Variants in TBC1D9 observed in about 807,000 individuals in gnomAD.
TBC1D9 encodes TBC1 domain family member 9.
TBC1D9 carries 63 observed loss-of-function variants against 132.0 expected under a neutral mutation model. The ratio of observed to expected loss-of-function variants is 0.48; its 90% CI spans 0.39 to 0.59. The LOEUF is 0.59. Ranked by LOEUF, TBC1D9 falls within the 20% of genes least tolerant of loss-of-function variation. TBC1D9 has a pLI of 0.00. For missense variants in TBC1D9, 1,261 were observed against 1,592.7 expected (o/e 0.79, Z 3.54); for synonymous variants, 610 against 609.9 (o/e 1.00, Z 0.00).
At chr4:140,636,395 TA>T (rs200054045) in intron 15 of TBC1D9, among the ~76,000 whole-genome samples, 62 of 150,242 alleles carry the variant, frequency 4.1e-4, no homozygotes, top group Non-Finnish European at 7.9e-4. Context: ...TCGACTTCCT[TA>T]AAAAAAAAAT....
intron 11 of TBC1D9, chr4:140,659,293 T>C (rs1737322276): frequency 4.5e-6 from 1 of 223,146 alleles, no homozygotes; most frequent in African/African-American, 2.3e-5. Flanking sequence ...TCTCTTTGTG[T>C]TAATGGTGCA....
Position 140,622,013 on chromosome 4 carries a change from C to T in TBC1D9, c.*182G>A. On this transcript the variant is annotated 3_prime_UTR_variant, in exon 21 of 21. Coordinates refer to ENST00000442267, the MANE Select transcript of TBC1D9 (RefSeq NM_015130.3). ...CCGCAACAAGAGTGTAATGTACCTA[C>T]ATTGAGGTGTTTAAATATTTCTCCA... The T allele has an allele frequency of 1.2e-6, 1 of 814,978 alleles. No homozygotes were observed. 50.5% of individuals were successfully genotyped at this position (814,978 alleles called of 1,614,324 possible).
chr4:140,656,974 C>G, intron 13 of TBC1D9, 123 bp downstream of exon 13: 1 of 1,280,756 alleles, frequency 7.8e-7, no homozygotes, highest in Non-Finnish European at 1.1e-6. Context: ...AAGTCTAGAA[C>G]TGAGAAATAA....
chr4:140,644,597 G>T (rs1194627988), intron 13 of TBC1D9: 4 of 342,000 alleles, frequency 1.2e-5, no homozygotes, highest in African/African-American at 4.6e-5. Flanking sequence ...CTCCATCTCT[G>T]CCTGGTACTC....
chr4:140,669,933 A>C (rs1009560772), intron 7 of TBC1D9, 129 bp from the exon 8 acceptor site: 2 of 936,092 alleles, frequency 2.1e-6, no homozygotes, highest in East Asian at 2.6e-5. Flanking sequence ...TATGTGAAGA[A>C]ACACGAGAAA....
At position 140,622,744 on chromosome 4, in the gene TBC1D9, C is replaced by T; in HGVS notation, c.3252G>A (p.Gly1084=). 6.2e-7 allele frequency: 1 copy of T among 1,606,892 alleles called. No homozygotes were observed. The highest frequency in any genetic ancestry group is 8.5e-7 in the Non-Finnish European group (1 of 1,179,718). The change falls in exon 21 of 21, where the codon GGG becomes GGA. Residue 1084 remains glycine, a synonymous_variant. Transcript: ENST00000442267. ...CTGGGATGCCCTGGTGGCAGGACGGCCCACTGCCTCCGCTCCCGCCCTCCT... is the reference window on the plus strand; with the variant it reads ...CTGGGATGCCCTGGTGGCAGGACGGTCCACTGCCTCCGCTCCCGCCCTCCT... ...PAKEGGSGGS[G]PSCHQGIPGV...
In TBC1D9 at chr4:140,633,948, T is replaced by A; in HGVS notation, c.2746A>T (p.Ser916Cys). The A allele has an allele frequency of 6.2e-7, 1 of 1,613,876 alleles. No individual in the cohort carries two copies. Among genetic ancestry groups the A allele is most frequent in the Non-Finnish European group, 8.5e-7 (1 of 1,179,880 alleles). Reference sequence around the variant, plus strand: ...TCATGCAATAGTACCACGTCCTTACTTAGCCCAGAGACAAACTCCCGGAAG... The same window carrying A: ...TCATGCAATAGTACCACGTCCTTACATAGCCCAGAGACAAACTCCCGGAAG... ...INFREFVSGLSAACHGDLTEK... is the reference protein window; with the variant it reads ...INFREFVSGLCAACHGDLTEK... Residue 916 changes from serine (S) to cysteine (C), a missense_variant and splice_region_variant, in exon 16 of 21, where the codon AGT (serine) becomes TGT (cysteine). Coordinates refer to ENST00000442267, the MANE Select transcript of TBC1D9 (RefSeq NM_015130.3).
intron 1 of TBC1D9, among the ~76,000 whole-genome samples, chr4:140,731,435 T>C (rs1417785902): frequency 2.0e-5 from 3 of 152,098 alleles, no homozygotes; most frequent in Admixed American, 2.0e-4. Context: ...CTCACACGTG[T>C]AATCCCAGCT....
intron 1 of TBC1D9, among the ~76,000 whole-genome samples, chr4:140,735,346 T>A (rs940188565): frequency 1.3e-5 from 2 of 152,210 alleles, no homozygotes. Context: ...TATAAAATCC[T>A]GTGTTCATCT....
At chr4:140,637,831 AC>A (rs2110974908) in intron 15 of TBC1D9, among the ~76,000 whole-genome samples, 1 of 152,272 alleles carries the variant, frequency 6.6e-6, no homozygotes, top group East Asian at 1.9e-4. Flanking sequence ...ACCAGCCTGG[AC>A]ACCCGGAGTG....
chr4:140,683,232 C>T (rs1737732267), intron 3 of TBC1D9, among the ~76,000 whole-genome samples: 1 of 152,074 alleles, frequency 6.6e-6, no homozygotes, highest in South Asian at 2.1e-4. Context: ...TAAATACAGT[C>T]AAGAACCATC....
At chr4:140,674,492 A>G (rs1053800319) in intron 6 of TBC1D9, among the ~76,000 whole-genome samples, 7 of 152,126 alleles carry the variant, frequency 4.6e-5, no homozygotes, top group Non-Finnish European at 8.8e-5. Flanking sequence ...AATTATGTAT[A>G]TACTTTACGG....
chr4:140,701,525 C>T lies in TBC1D9; in HGVS notation c.220G>A (p.Val74Ile), dbSNP rs780640450. Reference sequence around the variant, plus strand: ...TTACCACAGGCGATGGTCCAGTAGACCAGGGAGTCTGGAGTCTGGTACAAG... The same window carrying T: ...TTACCACAGGCGATGGTCCAGTAGATCAGGGAGTCTGGAGTCTGGTACAAG... ...RILYQTPDSL[V>I]YWTIACGGSR... The change falls in exon 2 of 21, where the codon GTC becomes ATC. Residue 74 changes from valine to isoleucine, a missense_variant. By Grantham distance (29) the Val-to-Ile change is conservative. Coordinates refer to ENST00000442267, the MANE Select transcript of TBC1D9 (RefSeq NM_015130.3). 4.3e-6 allele frequency: 7 copies of T among 1,613,746 alleles called. No homozygotes were observed. The highest frequency in any genetic ancestry group is 2.7e-5 in the African/African-American group (2 of 74,894).
At chr4:140,672,940 A>T (rs1342120614) in intron 6 of TBC1D9, among the ~76,000 whole-genome samples, 1 of 152,196 alleles carries the variant, frequency 6.6e-6, no homozygotes, top group Non-Finnish European at 1.5e-5. Flanking sequence ...TGGTCAGATC[A>T]CTTGAGCTCA....
chr4:140,740,556 C>G (rs1738743567), intron 1 of TBC1D9, among the ~76,000 whole-genome samples: 1 of 152,204 alleles, frequency 6.6e-6, no homozygotes, highest in Admixed American at 6.5e-5. Flanking sequence ...TGCAGGTTCA[C>G]TAGGCACTAA....
intron 7 of TBC1D9, among the ~76,000 whole-genome samples, chr4:140,670,340 G>A (rs1009030625): frequency 6.6e-6 from 1 of 152,080 alleles, no homozygotes; most frequent in Non-Finnish European, 1.5e-5. Context: ...ATTCCACAGG[G>A]ACCCAATATG....
At chr4:140,754,007 T>C (rs560425267) in intron 1 of TBC1D9, among the ~76,000 whole-genome samples, 17 of 152,336 alleles carry the variant, frequency 1.1e-4, no homozygotes, top group Non-Finnish European at 2.4e-4. Context: ...AATTATTCCA[T>C]TAATAAGTGC....
chr4:140,682,820 C>G (rs905613378), intron 3 of TBC1D9, among the ~76,000 whole-genome samples: 1 of 152,114 alleles, frequency 6.6e-6, no homozygotes, highest in Non-Finnish European at 1.5e-5. Context: ...TATAACAAAC[C>G]ATAAGCAGAA....
At chr4:140,742,294 GA>G (rs1313823205) in intron 1 of TBC1D9, among the ~76,000 whole-genome samples, 2 of 152,058 alleles carry the variant, frequency 1.3e-5, no homozygotes, top group African/African-American at 4.8e-5. Context: ...AGCACTTTGG[GA>G]GGCTGAGGCA....
Sources: allele counts gnomAD v4.1 joint callset (sites outside exome capture counted in the v4.1 genomes callset), GRCh38; gene constraint gnomAD v4.1.1; transcripts MANE v1.5; gene names NCBI Gene and HGNC (gene_info 2026-07-23, HGNC 2026-07-21).